Variants in NBAS observed in about 807,000 individuals in gnomAD.
The protein encoded by NBAS is NAG/BC035112 fusion.
Under a neutral mutation model 302.5 loss-of-function variants are expected in NBAS, and 219 were observed. The observed-to-expected ratio is 0.72, with a 90% CI of 0.65 to 0.81. NBAS has a LOEUF of 0.81. NBAS is among the 30% of genes least tolerant of loss of function. The pLI is 0.00. For synonymous variants in NBAS, 1,118 were observed against 1,021.6 expected (o/e 1.09, Z -1.80); for missense variants, 2,932 against 2,841.6 (o/e 1.03, Z -0.72).
chr2:15,230,956 A>G (rs960550170), intron 47 of NBAS, among the ~76,000 whole-genome samples: 2 of 152,090 alleles, frequency 1.3e-5, no homozygotes, highest in Admixed American at 1.3e-4. Context: ...CTGTTCTTTC[A>G]CTGACCAGCT....
At chr2:14,859,596 G>C in the NBAS span, among the ~76,000 whole-genome samples, 3 of 151,934 alleles carry the variant, frequency 2.0e-5, no homozygotes, top group Non-Finnish European at 4.4e-5. Flanking sequence ...AGGACAGTCC[G>C]TTCAATAAAT....
the NBAS span, among the ~76,000 whole-genome samples, chr2:15,100,607 CAA>C: frequency 6.6e-6 from 1 of 152,136 alleles, no homozygotes; most frequent in East Asian, 1.9e-4. Context: ...TTTTCTTCTA[CAA>C]AGAGACAGGG....
intron 11 of NBAS, among the ~76,000 whole-genome samples, chr2:15,499,039 C>A (rs533589461): frequency 6.6e-6 from 1 of 152,034 alleles, no homozygotes; most frequent in Admixed American, 6.6e-5. Flanking sequence ...AACAATCTTC[C>A]CACCTCAGCC....
At chr2:15,255,076 A>C (rs1410533423) in intron 44 of NBAS, among the ~76,000 whole-genome samples, 4 of 152,166 alleles carry the variant, frequency 2.6e-5, no homozygotes, top group African/African-American at 9.7e-5. Context: ...TTCCGGGTTA[A>C]ATACCCACTA....
At chr2:15,317,840 G>A (rs765146989) in intron 38 of NBAS, among the ~76,000 whole-genome samples, 1 of 152,198 alleles carries the variant, frequency 6.6e-6, no homozygotes, top group African/African-American at 2.4e-5. Context: ...TATGATCCAG[G>A]AGAACTTCCC....
At chr2:15,531,204 A>C (rs1423919640) in intron 9 of NBAS, among the ~76,000 whole-genome samples, 4 of 152,236 alleles carry the variant, frequency 2.6e-5, no homozygotes, top group Non-Finnish European at 4.4e-5. Flanking sequence ...AAAACAGTTA[A>C]ATAAACCAAG....
the NBAS span, among the ~76,000 whole-genome samples, chr2:14,850,434 C>A: frequency 1.0e-5 from 1 of 95,786 alleles, no homozygotes; most frequent in African/African-American, 9.9e-5. Context: ...TAAAGCAAGT[C>A]CTCAGTGACC....
chr2:14,811,419 A>T, the NBAS span, among the ~76,000 whole-genome samples: 1 of 152,090 alleles, frequency 6.6e-6, no homozygotes, highest in Non-Finnish European at 1.5e-5. Flanking sequence ...CTAGAAAAAA[A>T]AAGAATAAGG....
chr2:15,030,901 G>T, the NBAS span, among the ~76,000 whole-genome samples: 1 of 152,088 alleles, frequency 6.6e-6, no homozygotes, highest in Non-Finnish European at 1.5e-5. Context: ...CTCTCATTGA[G>T]AACCACTGCA....
intron 48 of NBAS, among the ~76,000 whole-genome samples, chr2:15,207,481 T>C (rs1037652914): frequency 1.3e-5 from 2 of 152,056 alleles, no homozygotes; most frequent in Non-Finnish European, 2.9e-5. Flanking sequence ...TGGGAAGGCA[T>C]ATTGGTTTTG....
chr2:15,559,398 T>C (rs940224901), intron 1 of NBAS, among the ~76,000 whole-genome samples: 1 of 152,238 alleles, frequency 6.6e-6, no homozygotes, highest in African/African-American at 2.4e-5. Context: ...GTAATTGCTA[T>C]ATTAAATAAT....
chr2:15,067,759 C>T, the NBAS span, among the ~76,000 whole-genome samples: 1 of 152,006 alleles, frequency 6.6e-6, no homozygotes, highest in Non-Finnish European at 1.5e-5. Flanking sequence ...TCCAACACTG[C>T]GCCTATAGTT....
At chr2:15,048,687 C>T in the NBAS span, among the ~76,000 whole-genome samples, 2 of 152,230 alleles carry the variant, frequency 1.3e-5, no homozygotes, top group African/African-American at 4.8e-5. Flanking sequence ...AACAAGACAG[C>T]TACTTCCTTC....
At chr2:15,138,527 C>T in the NBAS span, among the ~76,000 whole-genome samples, 17 of 152,120 alleles carry the variant, frequency 1.1e-4, no homozygotes, top group Non-Finnish European at 2.4e-4. Flanking sequence ...ATCCTTTTAT[C>T]CCGGGGAGCA....
chr2:15,427,307 C>G lies in NBAS; in HGVS notation c.2423+404G>C, dbSNP rs1019313682. 3.9e-5 allele frequency among the ~76,000 whole-genome samples: 6 copies of G among 152,086 alleles called. No individual in the cohort carries two copies. The highest frequency in any genetic ancestry group is 5.9e-5 in the Non-Finnish European group (4 of 68,030). On this transcript the variant is annotated intron_variant, in intron 22 of 51. Transcript: ENST00000281513. ...AGCCCCACACCGACTCTCCCACCCCCCTTCTGCAGTACTGGATGCCTACAC... is the reference window on the plus strand; with the variant it reads ...AGCCCCACACCGACTCTCCCACCCCGCTTCTGCAGTACTGGATGCCTACAC...
chr2:14,865,472 G>A, the NBAS span, among the ~76,000 whole-genome samples: 16 of 152,260 alleles, frequency 1.1e-4, no homozygotes, highest in South Asian at 3.3e-3. Flanking sequence ...TCTTAGACAA[G>A]TCAGTAAGCA....
Position 15,539,231 on chromosome 2 carries a change from T to G in NBAS, c.505A>C (p.Ile169Leu), listed in dbSNP as rs1360379183. 2 of 1,614,156 alleles carry G rather than the reference T, an allele frequency of 1.2e-6. No homozygotes were observed. The highest frequency in any genetic ancestry group is 3.3e-5 in the Admixed American group (2 of 60,016). ...TTAAGCTATGTACATACCGGGGAAATGACAAAGAGTTCACTTCCCATGAGA... is the reference window on the plus strand; with the variant it reads ...TTAAGCTATGTACATACCGGGGAAAGGACAAAGAGTTCACTTCCCATGAGA... Reference protein sequence around the residue: ...FDLMGSELFVISPASSFIGDL... With the variant: ...FDLMGSELFVLSPASSFIGDL... The change falls in exon 7 of 52, where the codon ATT becomes CTT. Residue 169 changes from isoleucine (I) to leucine (L), a missense_variant. Ile to Leu is a conservative substitution (Grantham distance 5). Transcript: ENST00000281513.
chr2:15,038,842 A>G, the NBAS span, among the ~76,000 whole-genome samples: 1 of 152,226 alleles, frequency 6.6e-6, no homozygotes, highest in South Asian at 2.1e-4. Context: ...GATGGGGAGG[A>G]AGTCAGAATA....
chr2:15,050,234 T>C, the NBAS span, among the ~76,000 whole-genome samples: 1 of 152,166 alleles, frequency 6.6e-6, no homozygotes, highest in African/African-American at 2.4e-5. Flanking sequence ...CTACATGGTA[T>C]ATATCCTTTT....
Sources: gnomAD v4.1 joint callset for allele counts (sites outside exome capture counted in the v4.1 genomes callset) on GRCh38, gnomAD v4.1.1 for gene constraint, MANE v1.5 for transcripts, NCBI Gene and HGNC (gene_info 2026-07-23, HGNC 2026-07-21) for gene names.